OCLN: variants seen among roughly 807,000 people sequenced by gnomAD.
OCLN encodes phosphatase 1, regulatory subunit 115.
In OCLN, 21 loss-of-function variants were observed where a neutral mutation model predicts 47.9. The ratio of observed to expected loss-of-function variants is 0.44; its 90% CI spans 0.31 to 0.63. OCLN has a LOEUF of 0.63. OCLN is among the 30% of genes least tolerant of loss of function. The pLI, the probability that OCLN is intolerant of heterozygous loss-of-function variation, is 0.08. For missense variants in OCLN, 360 were observed against 571.0 expected (o/e 0.63, Z 3.77); for synonymous variants, 117 against 198.4 (o/e 0.59, Z 3.45).
At chr5:69,504,804 G>C (rs780981903) in intron 2 of OCLN, among the ~76,000 whole-genome samples, 2 of 151,992 alleles carry the variant, frequency 1.3e-5, no homozygotes, top group African/African-American at 4.8e-5. Context: ...CTGTGGTGGC[G>C]CGCACCTCTA....
rs1163280078 is a variant in OCLN at position 69,493,351 on chromosome 5, G to A, written c.-69+451G>A. The stretch of plus-strand genomic sequence containing the variant: ...GGCTGCAGCGAGGCGGCTGTTCGGC[G>A]GCCCGGGCGGCTTAGATCCCGGGGG... On this transcript the variant is annotated intron_variant, in intron 1 of 8. Transcript: ENST00000396442. This position sits in a 1 kb window ranked among gnomAD's most constrained non-coding sequence, Gnocchi z 5.3. Among the ~76,000 whole-genome samples, 1 of 152,018 alleles carries A rather than the reference G, an allele frequency of 6.6e-6. No homozygotes were observed. The highest frequency in any genetic ancestry group is 6.5e-5 in the Admixed American group (1 of 15,274).
rs33957614 is a variant in OCLN at position 69,501,631 on chromosome 5, GAAA to G, written c.-68-2535_-68-2533del. Among the ~76,000 whole-genome samples, 485 of 145,668 alleles carry G rather than the reference GAAA, an allele frequency of 3.3e-3. 12 individuals carry two copies. In the East Asian group the frequency reaches 0.04, roughly 12 times the overall value. On this transcript the variant is annotated intron_variant, in intron 1 of 8. Coordinates refer to ENST00000396442, the MANE Select transcript of OCLN (RefSeq NM_001205254.2). ...AACAGAATGAGACCTTGTCTCAAAA[GAAA>G]AAAAAAAAAAGTATAGAGAAATTGA...
At chr5:69,509,869 C>A in intron 3 of OCLN, 50 bp downstream of exon 3, 1 of 1,315,074 alleles carries the variant, frequency 7.6e-7, no homozygotes, top group Non-Finnish European at 1.1e-6. Context: ...CAGAGGCCTT[C>A]AACTTGAGAT....
chr5:69,504,702 C>T (rs568233760), intron 2 of OCLN, among the ~76,000 whole-genome samples: 3 of 152,204 alleles, frequency 2.0e-5, no homozygotes, highest in African/African-American at 2.4e-5. Flanking sequence ...CTTGGGAGGC[C>T]GAGGCTGGCG....
chr5:69,529,768 A>G (rs1410466408), intron 4 of OCLN, among the ~76,000 whole-genome samples: 4 of 151,842 alleles, frequency 2.6e-5, no homozygotes, highest in African/African-American at 9.7e-5. Flanking sequence ...ATGCCTGGCT[A>G]ATTTTTGTAT....
In OCLN at chr5:69,555,303, G is replaced by A. The variant is rs1479533752; in HGVS notation, c.*1632G>A. 9.4e-5 allele frequency: 10 copies of A among 105,886 alleles called. No homozygotes were observed. Among genetic ancestry groups the A allele is most frequent in the African/African-American group, 3.6e-4 (10 of 27,898 alleles). 6.6% of individuals were successfully genotyped at this position (105,886 alleles called of 1,614,324 possible). A position where few individuals can be genotyped will look rare whatever the true frequency, so the allele number is the denominator to read the frequency against. On this transcript the variant is annotated 3_prime_UTR_variant, in exon 9 of 9. Transcript: ENST00000396442. ...TTTGAGATGGAGTTTTGCTCTTGTTGAACAGGCTGGAGTGCAATGTCGCGA... is the reference window on the plus strand; with the variant it reads ...TTTGAGATGGAGTTTTGCTCTTGTTAAACAGGCTGGAGTGCAATGTCGCGA...
intron 1 of OCLN, among the ~76,000 whole-genome samples, chr5:69,495,239 C>T (rs1768257535): frequency 6.6e-6 from 1 of 152,098 alleles, no homozygotes; most frequent in Non-Finnish European, 1.5e-5. Flanking sequence ...AGTAAACAGA[C>T]CATGCAGATT....
At chr5:69,492,957 G>C (rs577341123) in intron 1 of OCLN, 57 bp downstream of exon 1, 1 of 152,336 alleles carries the variant, frequency 6.6e-6, no homozygotes, top group South Asian at 2.1e-4. Flanking sequence ...CCCGTGGGGG[G>C]ACCGCGGCGA....
Position 69,505,610 on chromosome 5 carries a change from G to A in OCLN, c.50+1316G>A, listed in dbSNP as rs569617009. Among the ~76,000 whole-genome samples, 9 of 152,240 alleles carry A rather than the reference G, an allele frequency of 5.9e-5. 1 individual carries two copies. In the South Asian group the frequency reaches 1.9e-3, roughly 32 times the overall value. On this transcript the variant is annotated intron_variant, in intron 2 of 8. Coordinates refer to ENST00000396442, the MANE Select transcript of OCLN (RefSeq NM_001205254.2). Reference sequence around the variant, plus strand: ...ACTGTCAGTTTTAAGAGTGATTCCTGCCATGATCTAAAACAAGCAGTGTTG... The same window carrying A: ...ACTGTCAGTTTTAAGAGTGATTCCTACCATGATCTAAAACAAGCAGTGTTG...
Position 69,493,555 on chromosome 5 carries a change from T to C in OCLN, c.-69+655T>C, listed in dbSNP as rs561453873. Among the ~76,000 whole-genome samples the C allele has an allele frequency of 1.3e-3, 205 of 152,178 alleles. 1 individual carries two copies. The highest frequency in any genetic ancestry group is 3.4e-3 in the Middle Eastern group (1 of 294). On this transcript the variant is annotated intron_variant, in intron 1 of 8. Transcript: ENST00000396442. This position sits in a 1 kb window ranked among gnomAD's most constrained non-coding sequence, Gnocchi z 5.3. ...TTAAGCTGGGGGGCGGGGAGTTAAT[T>C]TCGAGTGAGGCTGGACTTCGAGGGA... is the stretch of plus-strand genomic sequence containing the variant.
In OCLN at chr5:69,554,336, A is replaced by C. The variant is rs1204369014; in HGVS notation, c.*665A>C. The stretch of plus-strand genomic sequence containing the variant: ...TGTGTGAAATTTAAAGATTGTAAAT[A>C]TATATTTACTTTTTTAAGATCAAAG... On this transcript the variant is annotated 3_prime_UTR_variant, in exon 9 of 9. Coordinates refer to ENST00000396442, the MANE Select transcript of OCLN (RefSeq NM_001205254.2). 24 of 151,946 alleles carry C rather than the reference A, an allele frequency of 1.6e-4. No individual in the cohort carries two copies. Among genetic ancestry groups the C allele is most frequent in the Non-Finnish European group, 2.8e-4 (19 of 67,986 alleles). 9.4% of individuals were successfully genotyped at this position (151,946 alleles called of 1,614,324 possible). A position where few individuals can be genotyped will look rare whatever the true frequency, so the allele number is the denominator to read the frequency against.
chr5:69,517,314 AT>A (rs58026583), intron 4 of OCLN, among the ~76,000 whole-genome samples: 4,230 of 131,808 alleles, frequency 0.032, 89 homozygotes, highest in East Asian at 0.075. Context: ...ATATATATAT[AT>A]TTTTTTTTTT....
chr5:69,496,223 C>T (rs1296462549), intron 1 of OCLN, among the ~76,000 whole-genome samples: 1 of 152,028 alleles, frequency 6.6e-6, no homozygotes. Context: ...CTCGGCCTCC[C>T]GAGTAGTTGG....
intron 4 of OCLN, 63 bp from the exon 5 acceptor site, chr5:69,534,631 C>A: frequency 2.2e-6 from 1 of 464,684 alleles, no homozygotes; most frequent in Non-Finnish European, 3.7e-6. Flanking sequence ...AGATAATTTT[C>A]TTCAGTGTCT....
Position 69,509,422 on chromosome 5 carries a change from T to A in OCLN, c.332T>A (p.Phe111Tyr), listed in dbSNP as rs796086905. ...GGCTACCCTTATGGAGGAAGTGGCT[T>A]TGGTAGCTACGGAAGTGGCTATGGC... ...SVGYPYGGSG[F>Y]GSYGSGYGYG... Residue 111 changes from phenylalanine (F) to tyrosine (Y), a missense_variant, in exon 3 of 9, where the codon TTT (phenylalanine) becomes TAT (tyrosine). This residue lies in a region of OCLN where 314 missense variants were observed against 368.1 expected (regional missense o/e 0.85). Coordinates refer to ENST00000396442, the MANE Select transcript of OCLN (RefSeq NM_001205254.2). 11 of 1,614,180 alleles carry A rather than the reference T, an allele frequency of 6.8e-6. No individual in the cohort carries two copies. Among genetic ancestry groups the A allele is most frequent in the Admixed American group, 1.7e-5 (1 of 60,010 alleles).
At chr5:69,537,778 A>AACAC (rs531363581) in intron 5 of OCLN, among the ~76,000 whole-genome samples, 13 of 21,692 alleles carry the variant, frequency 6.0e-4, no homozygotes, top group African/African-American at 3.8e-3. Flanking sequence ...AATAAAAATA[A>AACAC]ACACACACAC....
In OCLN at chr5:69,513,935, C is replaced by T. The variant is rs772190737; in HGVS notation, c.730-13C>T. The stretch of plus-strand genomic sequence containing the variant: ...AAAATCTAATTATGCCAATATTTTC[C>T]ACTCCTTTTTAGGCCATTGCCATTG... On this transcript the variant is annotated splice_polypyrimidine_tract_variant and intron_variant, in intron 3 of 8. Coordinates refer to ENST00000396442, the MANE Select transcript of OCLN (RefSeq NM_001205254.2). 2 of 1,608,230 alleles carry T rather than the reference C, an allele frequency of 1.2e-6. No individual in the cohort carries two copies. The highest frequency in any genetic ancestry group is 2.7e-5 in the African/African-American group (2 of 74,716).
chr5:69,520,732 G>A (rs997383660), intron 4 of OCLN, among the ~76,000 whole-genome samples: 1 of 151,776 alleles, frequency 6.6e-6, no homozygotes, highest in African/African-American at 2.4e-5. Context: ...ACCCGTGTTG[G>A]AGTGCAGTGG....
At chr5:69,507,855 C>A (rs1561333697) in intron 2 of OCLN, among the ~76,000 whole-genome samples, 1 of 152,206 alleles carries the variant, frequency 6.6e-6, no homozygotes, top group East Asian at 1.9e-4. Flanking sequence ...ATCCACCCGC[C>A]TCGGCCTCCC....
Sources: allele counts gnomAD v4.1 joint callset (sites outside exome capture counted in the v4.1 genomes callset), GRCh38; gene constraint gnomAD v4.1.1; regional missense constraint gnomAD v4.1.1; non-coding constraint Gnocchi (gnomAD v3.1); transcripts MANE v1.5; gene names NCBI Gene and HGNC (gene_info 2026-07-23, HGNC 2026-07-21).